The following FUT8 variants were observed in gnomAD, a reference collection of about 807,000 sequenced individuals.
The protein encoded by FUT8 is fucosyltransferase 8, also known as alpha-(1,6)-fucosyltransferase.
In FUT8, 29 loss-of-function variants were observed where a neutral mutation model predicts 71.3. The observed-to-expected ratio is 0.41, with a 90% confidence interval of 0.30 to 0.55. The LOEUF is 0.55. Ranked by LOEUF, FUT8 falls within the 20% of genes least tolerant of loss-of-function variation. The pLI is 0.34. For synonymous variants in FUT8, 254 were observed against 239.3 expected, an observed-to-expected ratio of 1.06 and a Z score of -0.57; for missense variants, 544 against 702.1, an observed-to-expected ratio of 0.77 and a Z score of 2.55.
the FUT8 span, among the ~76,000 whole-genome samples, chr14:65,373,196 G>C: frequency 2.6e-5 from 4 of 151,696 alleles, no homozygotes; most frequent in Non-Finnish European, 4.4e-5. Context: ...ATATGGACAG[G>C]ATGCAGGAGG....
intron 2 of FUT8, among the ~76,000 whole-genome samples, chr14:65,539,682 A>G (rs1240211139): frequency 1.3e-5 from 2 of 152,244 alleles, no homozygotes; most frequent in African/African-American, 4.8e-5. Flanking sequence ...CTGGGTAAAA[A>G]TAACATAATA....
chr14:65,624,716 A>G (rs1594830904), intron 5 of FUT8, among the ~76,000 whole-genome samples: 2 of 152,300 alleles, frequency 1.3e-5, no homozygotes, highest in East Asian at 3.9e-4. Flanking sequence ...TTTTCCTTCA[A>G]CAGACATTTG....
In FUT8 at chr14:65,618,051, A is replaced by ATATGTATG. The variant is rs1164131346; in HGVS notation, c.482+1682_482+1689dup. Among the ~76,000 whole-genome samples, 502 of 84,056 alleles carry ATATGTATG rather than the reference A, an allele frequency of 6.0e-3. 9 individuals are homozygous for ATATGTATG. Among genetic ancestry groups the ATATGTATG allele is most frequent in the African/African-American group, 0.014 (353 of 25,422 alleles). The allele number at this position is 84,056 out of a possible 152,430, so 55.1% of individuals were successfully genotyped here. A position where few individuals can be genotyped will look rare whatever the true frequency, so the allele number is the denominator to read the frequency against. On this transcript the variant is annotated intron_variant, in intron 5 of 10. Transcript: ENST00000673929. ...TATATATATATATATATATATATATATATGTATGTATATATTTATTTATTT... is the reference window on the plus strand; with the variant it reads ...TATATATATATATATATATATATATATATGTATGTATGTATGTATATATTTATTTATTT...
the FUT8 span, among the ~76,000 whole-genome samples, chr14:65,379,914 G>A: frequency 2.0e-5 from 3 of 152,210 alleles, no homozygotes; most frequent in African/African-American, 7.2e-5. Context: ...AGGGCAAAAA[G>A]GGCCTTAGCT....
Position 65,413,000 on chromosome 14 carries a change from C to A in FUT8, c.-540C>A, listed in dbSNP as rs1369180579. On this transcript the variant is annotated 5_prime_UTR_variant, in exon 1 of 11. Transcript: ENST00000673929. ...CTGTCAGCGACTGCCCGGCTCGCGC[C>A]GCCTCGCGCTCTGCCTCAGTCAGTG... 1 of 153,228 alleles carries A rather than the reference C, an allele frequency of 6.5e-6. No homozygotes were observed. The highest frequency in any genetic ancestry group is 2.4e-5 in the African/African-American group (1 of 41,484). 9.5% of individuals were successfully genotyped at this position (153,228 alleles called of 1,614,324 possible).
intron 1 of FUT8, among the ~76,000 whole-genome samples, chr14:65,419,214 C>G (rs2065258841): frequency 6.6e-6 from 1 of 152,090 alleles, no homozygotes; most frequent in South Asian, 2.1e-4. Context: ...GAGCCGAGAT[C>G]TTGCCATTGC....
At chr14:65,622,857 C>T (rs1339027721) in intron 5 of FUT8, among the ~76,000 whole-genome samples, 1 of 151,444 alleles carries the variant, frequency 6.6e-6, no homozygotes. Flanking sequence ...TTAATTCCTT[C>T]ACCTTCTTGC....
intron 7 of FUT8, among the ~76,000 whole-genome samples, chr14:65,709,311 G>A (rs1894704816): frequency 6.6e-6 from 1 of 151,996 alleles, no homozygotes; most frequent in Non-Finnish European, 1.5e-5. Context: ...ATGAAAGTTT[G>A]AATAAACCTT....
chr14:65,588,716 TGA>T (rs1174996476), intron 3 of FUT8, among the ~76,000 whole-genome samples: 2 of 151,636 alleles, frequency 1.3e-5, no homozygotes, highest in African/African-American at 4.8e-5. Flanking sequence ...TAAGATATTT[TGA>T]GAGAGAGAGA....
intron 1 of FUT8, among the ~76,000 whole-genome samples, chr14:65,430,676 G>T (rs1190173057): frequency 6.6e-6 from 1 of 152,134 alleles, no homozygotes; most frequent in Non-Finnish European, 1.5e-5. Context: ...TTTGATATTT[G>T]TACAGAGCAT....
chr14:65,429,905 A>C (rs1328285458), intron 1 of FUT8, among the ~76,000 whole-genome samples: 1 of 150,506 alleles, frequency 6.6e-6, no homozygotes, highest in Non-Finnish European at 1.5e-5. Context: ...AAGAGACTTT[A>C]AAGCAGCTAC....
At chr14:65,533,088 G>A (rs145245768) in intron 2 of FUT8, among the ~76,000 whole-genome samples, 3 of 152,290 alleles carry the variant, frequency 2.0e-5, no homozygotes, top group African/African-American at 7.2e-5. Context: ...TGGGTAGCAT[G>A]ATGCCTCCTG....
intron 2 of FUT8, among the ~76,000 whole-genome samples, chr14:65,530,311 C>T (rs1350164729): frequency 6.6e-6 from 1 of 152,064 alleles, no homozygotes; most frequent in Non-Finnish European, 1.5e-5. Flanking sequence ...TTGTTTGTTT[C>T]CCTTATTACA....
intron 2 of FUT8, among the ~76,000 whole-genome samples, chr14:65,542,887 A>C (rs1329681369): frequency 6.6e-6 from 1 of 152,012 alleles, no homozygotes; most frequent in Non-Finnish European, 1.5e-5. Context: ...GGTTCAAGCG[A>C]TTATCCAGCC....
Position 65,742,131 on chromosome 14 carries a change from T to A in FUT8, c.1449T>A (p.His483Gln). The change falls in exon 11 of 11, where the codon CAT (histidine) becomes CAA (glutamine). Residue 483 changes from histidine (H) to glutamine (Q), a missense_variant. By Grantham distance (24) the His-to-Gln change is conservative. Transcript: ENST00000673929. ...RVAYEIMQTL[H>Q]PDASANFHSL... Reference sequence around the variant, plus strand: ...CTTATGAAATTATGCAAACACTACATCCTGATGCCTCTGCAAACTTCCATT... The same window carrying A: ...CTTATGAAATTATGCAAACACTACAACCTGATGCCTCTGCAAACTTCCATT... The A allele has an allele frequency of 6.2e-7, 1 of 1,612,996 alleles. No homozygotes were observed. The highest frequency in any genetic ancestry group is 8.5e-7 in the Non-Finnish European group (1 of 1,179,306).
chr14:65,649,113 T>G (rs190766739), intron 6 of FUT8, among the ~76,000 whole-genome samples: 8 of 152,326 alleles, frequency 5.3e-5, no homozygotes, highest in Admixed American at 4.6e-4. Context: ...AAACAAAATA[T>G]ATCACCTATA....
chr14:65,378,257 A>G, the FUT8 span, among the ~76,000 whole-genome samples: 1 of 152,116 alleles, frequency 6.6e-6, no homozygotes. Context: ...GCTGCTAAGA[A>G]AGAGGTTGAG....
the FUT8 span, among the ~76,000 whole-genome samples, chr14:65,401,633 C>T: frequency 6.6e-6 from 1 of 152,140 alleles, no homozygotes; most frequent in South Asian, 2.1e-4. Flanking sequence ...CATGGTGGCT[C>T]ACACCTGTAA....
At chr14:65,506,810 A>C (rs548936772) in intron 2 of FUT8, among the ~76,000 whole-genome samples, 117 of 152,292 alleles carry the variant, frequency 7.7e-4, no homozygotes, top group African/African-American at 2.6e-3. Flanking sequence ...GTTATTTAAA[A>C]ATGTACAATT....
Sources: allele counts gnomAD v4.1 joint callset (sites outside exome capture counted in the v4.1 genomes callset), GRCh38; gene constraint gnomAD v4.1.1; transcripts MANE v1.5; gene names NCBI Gene and HGNC (gene_info 2026-07-23, HGNC 2026-07-21).